The following KDM4C variants were observed in gnomAD, a reference collection of about 807,000 sequenced individuals.
The protein encoded by KDM4C is lysine demethylase 4C, also known as lysine-specific demethylase 4C.
KDM4C carries 81 observed loss-of-function variants against 129.3 expected under a neutral mutation model. The observed-to-expected ratio is 0.63, with a 90% CI of 0.52 to 0.75. The LOEUF (loss-of-function observed/expected upper bound fraction) is 0.75. KDM4C is among the 30% of genes least tolerant of loss of function. The probability of loss-of-function intolerance (pLI) is 0.00; values close to 1 mark genes in which losing one functional copy is unlikely to be tolerated. For synonymous variants in KDM4C, 573 were observed against 456.1 expected (o/e 1.26, Z -3.26); for missense variants, 1,457 against 1,304.0 (o/e 1.12, Z -1.81).
chr9:6,853,737 T>C (rs910980649), intron 5 of KDM4C, among the ~76,000 whole-genome samples: 1 of 152,222 alleles, frequency 6.6e-6, no homozygotes, highest in Admixed American at 6.5e-5. Flanking sequence ...GATAGAAAAC[T>C]GCTTTGACAG....
rs1840228909 is a variant in KDM4C at position 7,128,206 on chromosome 9, T to C, written c.2751T>C (p.Phe917=). 6.2e-7 allele frequency: 1 copy of C among 1,606,442 alleles called. No homozygotes were observed. The highest frequency in any genetic ancestry group is 8.5e-7 in the Non-Finnish European group (1 of 1,176,462). ...FYEVMFDDGS[F]SRDTFPEDIV... ...AGGTCATGTTTGATGATGGCTCCTT[T>C]AGCAGAGACACATTTCCTGAGGATA... The change falls in exon 19 of 22, where the codon TTT becomes TTC. Residue 917 remains phenylalanine (F), a synonymous_variant. Coordinates refer to ENST00000381309, the MANE Select transcript of KDM4C (RefSeq NM_015061.6).
intron 7 of KDM4C, among the ~76,000 whole-genome samples, chr9:6,889,211 T>TTTTGTGTGTGTGTGTGTG (rs766335055): frequency 1.1e-4 from 7 of 61,552 alleles, no homozygotes; most frequent in African/African-American, 2.7e-4. Flanking sequence ...GGCCTTCTTT[T>TTTTGTGTGTGTGTGTGTG]TGTGTGTGTG....
chr9:7,028,266 T>A (rs1194842388), intron 15 of KDM4C, among the ~76,000 whole-genome samples: 2 of 151,984 alleles, frequency 1.3e-5, no homozygotes, highest in African/African-American at 4.8e-5. Flanking sequence ...GTATCACTGC[T>A]GGTTATTCAG....
chr9:7,003,316 TTATAAAATATA>T (rs1162609757), intron 12 of KDM4C, among the ~76,000 whole-genome samples: 6 of 152,224 alleles, frequency 3.9e-5, no homozygotes, highest in African/African-American at 1.4e-4. Flanking sequence ...TTCATGCGTG[TTATAAAATATA>T]TATAAAATAT....
In KDM4C at chr9:7,103,775, A is replaced by G. The variant is rs936306420; in HGVS notation, c.2515A>G (p.Thr839Ala). 6.2e-7 allele frequency: 1 copy of G among 1,613,908 alleles called. No homozygotes were observed. The highest frequency in any genetic ancestry group is 8.5e-7 in the Non-Finnish European group (1 of 1,179,928). The change falls in exon 18 of 22, where the codon ACT becomes GCT. Residue 839 changes from threonine to alanine, a missense_variant. Coordinates refer to ENST00000381309, the MANE Select transcript of KDM4C (RefSeq NM_015061.6). Reference protein sequence around the residue: ...YGRCPASFHVTCAHAAGVLME... With the variant: ...YGRCPASFHVACAHAAGVLME... Reference sequence around the variant, plus strand: ...TCGCTGCCCGGCCTCCTTCCATGTCACTTGTGCCCATGCTGCTGGGGTACT... The same window carrying G: ...TCGCTGCCCGGCCTCCTTCCATGTCGCTTGTGCCCATGCTGCTGGGGTACT...
At chr9:6,749,045 G>C in intron 1 of KDM4C, 1 of 589,240 alleles carries the variant, frequency 1.7e-6, no homozygotes, top group South Asian at 1.6e-5. Context: ...TTGAAATGGA[G>C]TTTTGCTCTT....
chr9:6,959,053 A>G lies in KDM4C; in HGVS notation c.922-21872A>G, dbSNP rs138621367. On this transcript the variant is annotated intron_variant, in intron 8 of 21. Coordinates refer to ENST00000381309, the MANE Select transcript of KDM4C (RefSeq NM_015061.6). The stretch of plus-strand genomic sequence containing the variant: ...TCCTTTTTAAAGCCTGGAGCCTAGA[A>G]TAAAACATTTATAGTCCTGCCCAAG... Among the ~76,000 whole-genome samples the G allele has an allele frequency of 1.1e-4, 17 of 152,342 alleles. No homozygotes were observed. In the East Asian group the frequency reaches 3.3e-3, roughly 29 times the overall value.
At position 6,769,908 on chromosome 9, in the gene KDM4C, C is replaced by T. The variant is rs141305674; in HGVS notation, c.-18+11705C>T. On this transcript the variant is annotated intron_variant, in intron 1 of 21. Transcript: ENST00000381309. ...TTAAAACCATGTGTTACGCCATGCCCGGTGGCTCATGCCTATAATCACAGC... is the reference window on the plus strand; with the variant it reads ...TTAAAACCATGTGTTACGCCATGCCTGGTGGCTCATGCCTATAATCACAGC... 1.4e-3 allele frequency among the ~76,000 whole-genome samples: 213 copies of T among 152,268 alleles called. 3 individuals are homozygous for T. Among genetic ancestry groups the T allele is most frequent in the East Asian group, 1.3e-3 (7 of 5,186 alleles).
chr9:7,010,040 C>G (rs980102929), intron 12 of KDM4C, among the ~76,000 whole-genome samples: 1 of 152,106 alleles, frequency 6.6e-6, no homozygotes, highest in East Asian at 1.9e-4. Flanking sequence ...TAAAATTTGT[C>G]ACAACATATG....
In KDM4C at chr9:6,779,032, C is replaced by CTTTTTTTTTT. The variant is rs60503128; in HGVS notation, c.-17-13935_-17-13926dup. The stretch of plus-strand genomic sequence containing the variant: ...CTACCTCACCAGGCCTGATTAAAGT[C>CTTTTTTTTTT]TTTTTTTTTTTTTTGAGATGGAGTC... On this transcript the variant is annotated intron_variant, in intron 1 of 21. Transcript: ENST00000381309. Among the ~76,000 whole-genome samples, 219 of 94,596 alleles carry CTTTTTTTTTT rather than the reference C, an allele frequency of 2.3e-3. 31 individuals carry two copies. The highest frequency in any genetic ancestry group is 8.6e-3 in the South Asian group (19 of 2,208). The allele number at this position is 94,596 out of a possible 152,430, so 62.1% of individuals were successfully genotyped here. A position where few individuals can be genotyped will look rare whatever the true frequency, so the allele number is the denominator to read the frequency against.
At chr9:6,731,351 A>G (rs888861018) in intron 1 of KDM4C, among the ~76,000 whole-genome samples, 2 of 98,262 alleles carry the variant, frequency 2.0e-5, no homozygotes, top group African/African-American at 7.8e-5. Flanking sequence ...TTTGAGACTG[A>G]GTTTCACTCT....
rs1015634476 is a variant in KDM4C, at chr9:6,836,303, C to T, written c.436-13204C>T. The stretch of plus-strand genomic sequence containing the variant: ...CTCATCTCTACAAAAAAATGGGAGG[C>T]GGAGGTTGCGGTGCGCCAAGATCAT... On this transcript the variant is annotated intron_variant, in intron 4 of 21. Coordinates refer to ENST00000381309, the MANE Select transcript of KDM4C (RefSeq NM_015061.6). Among the ~76,000 whole-genome samples, 11 of 152,008 alleles carry T rather than the reference C, an allele frequency of 7.2e-5. No homozygotes were observed. In the East Asian group the frequency reaches 9.6e-4, roughly 13 times the overall value.
intron 8 of KDM4C, among the ~76,000 whole-genome samples, chr9:6,918,637 G>A (rs1435308347): frequency 2.6e-5 from 4 of 152,150 alleles, no homozygotes; most frequent in South Asian, 2.1e-4. Context: ...ATCCCTACCA[G>A]CAGTGTATGT....
At chr9:7,034,539 TG>T (rs1827311343) in intron 15 of KDM4C, among the ~76,000 whole-genome samples, 1 of 152,250 alleles carries the variant, frequency 6.6e-6, no homozygotes, top group Admixed American at 6.5e-5. Flanking sequence ...TTTCATTCCA[TG>T]GTGTATACAT....
chr9:6,787,911 A>T (rs1419078894), intron 1 of KDM4C, among the ~76,000 whole-genome samples: 1 of 152,206 alleles, frequency 6.6e-6, no homozygotes, highest in Non-Finnish European at 1.5e-5. Context: ...ATCAGTTCCC[A>T]TCTCATGCAG....
intron 8 of KDM4C, among the ~76,000 whole-genome samples, chr9:6,933,382 C>T (rs1325208139): frequency 6.6e-6 from 1 of 152,160 alleles, no homozygotes; most frequent in African/African-American, 2.4e-5. Context: ...ACTACATGCA[C>T]TGCTTGGTGA....
chr9:6,807,044 A>T (rs896002105), intron 3 of KDM4C, among the ~76,000 whole-genome samples: 1 of 151,976 alleles, frequency 6.6e-6, no homozygotes, highest in Non-Finnish European at 1.5e-5. Context: ...GATTGCAGGC[A>T]CGCGCCGCCA....
chr9:6,805,209 A>G (rs998143739), intron 2 of KDM4C, among the ~76,000 whole-genome samples: 9 of 152,266 alleles, frequency 5.9e-5, no homozygotes, highest in African/African-American at 1.2e-4. Context: ...AATTTCATCT[A>G]TTGAGAGGCA....
chr9:7,026,170 A>G (rs1825786705), intron 15 of KDM4C, among the ~76,000 whole-genome samples: 1 of 151,494 alleles, frequency 6.6e-6, no homozygotes, highest in South Asian at 2.1e-4. Context: ...GCACCGCTGT[A>G]CTCCAGCCTG....
Sources: gnomAD v4.1 joint callset for allele counts (sites outside exome capture counted in the v4.1 genomes callset) on GRCh38, gnomAD v4.1.1 for gene constraint, MANE v1.5 for transcripts, NCBI Gene and HGNC (gene_info 2026-07-23, HGNC 2026-07-21) for gene names.